The following OPCML variants were observed in gnomAD, a reference collection of about 807,000 sequenced individuals.
The protein encoded by OPCML is opioid-binding protein/cell adhesion molecule.
OPCML carries 13 observed loss-of-function variants against 37.8 expected under a neutral mutation model. The ratio of observed to expected loss-of-function variants is 0.34; its 90% CI spans 0.22 to 0.55. OPCML has a LOEUF of 0.55. Ranked by LOEUF, OPCML falls within the 20% of genes least tolerant of loss-of-function variation. OPCML has a pLI of 0.91. For missense variants in OPCML, 341 were observed against 435.6 expected (o/e 0.78, Z 1.93); for synonymous variants, 176 against 168.8 (o/e 1.04, Z -0.33).
chr11:133,423,483 C>A lies in OPCML; in HGVS notation c.61+108781G>T. Reference sequence around the variant, plus strand: ...TCTCTGCACTCTGTTAGGCTCCTGGCAACAAGCAGTCATAGAAGCTCCCAA... The same window carrying A: ...TCTCTGCACTCTGTTAGGCTCCTGGAAACAAGCAGTCATAGAAGCTCCCAA... On this transcript the variant is annotated intron_variant, in intron 1 of 7. Transcript: ENST00000524381. 5 of 985,370 alleles carry A rather than the reference C, an allele frequency of 5.1e-6. 1 individual carries two copies. The African/African-American group carries it at 7.0e-5, about 14-fold the overall frequency. 61.0% of individuals were successfully genotyped at this position (985,370 alleles called of 1,614,324 possible). A position where few individuals can be genotyped will look rare whatever the true frequency, so the allele number is the denominator to read the frequency against.
chr11:132,921,887 C>CTT (rs113032021), intron 2 of OPCML, among the ~76,000 whole-genome samples: 105 of 148,986 alleles, frequency 7.0e-4, no homozygotes, highest in African/African-American at 2.5e-3. Flanking sequence ...TAAATTTTAC[C>CTT]TTTTTTTTTT....
intron 2 of OPCML, among the ~76,000 whole-genome samples, chr11:132,781,888 T>C (rs1224847745): frequency 6.7e-6 from 1 of 148,902 alleles, no homozygotes; most frequent in Non-Finnish European, 1.5e-5. Context: ...ACGTCTTCTA[T>C]CAGTGATAGA....
chr11:132,828,535 C>T (rs995233379), intron 2 of OPCML, among the ~76,000 whole-genome samples: 2 of 150,294 alleles, frequency 1.3e-5, no homozygotes, highest in African/African-American at 4.9e-5. Flanking sequence ...TTTAATCTTG[C>T]TAAAACAGCT....
intron 1 of OPCML, among the ~76,000 whole-genome samples, chr11:133,096,479 G>C (rs939363580): frequency 1.3e-5 from 2 of 151,814 alleles, no homozygotes; most frequent in African/African-American, 4.8e-5. Context: ...TAGGAACAAA[G>C]AATAAGGGCA....
At chr11:133,371,376 C>T (rs897297209) in intron 1 of OPCML, among the ~76,000 whole-genome samples, 3 of 152,188 alleles carry the variant, frequency 2.0e-5, no homozygotes, top group Admixed American at 2.0e-4. Flanking sequence ...TATTGCAGCA[C>T]TATTTACAAT....
At chr11:132,499,005 G>A (rs61230584) in intron 4 of OPCML, among the ~76,000 whole-genome samples, 5,288 of 152,318 alleles carry the variant, frequency 0.035, 301 homozygotes, top group African/African-American at 0.11. Flanking sequence ...GGCTTTCTGC[G>A]TCTCAGGCAA....
At chr11:133,276,238 A>C (rs1941989737) in intron 1 of OPCML, among the ~76,000 whole-genome samples, 1 of 152,180 alleles carries the variant, frequency 6.6e-6, no homozygotes, top group South Asian at 2.1e-4. Flanking sequence ...AAAAATTTAG[A>C]CCTAAGCATA....
intron 1 of OPCML, among the ~76,000 whole-genome samples, chr11:133,138,099 G>A (rs1023966908): frequency 6.6e-6 from 1 of 152,136 alleles, no homozygotes; most frequent in Non-Finnish European, 1.5e-5. Flanking sequence ...ATAGATTAAT[G>A]CTTTCTTGAA....
At chr11:132,712,124 G>A (rs143545779) in intron 2 of OPCML, among the ~76,000 whole-genome samples, 1 of 152,182 alleles carries the variant, frequency 6.6e-6, no homozygotes, top group African/African-American at 2.4e-5. Context: ...GGAGGAAGGG[G>A]TTGGTAGTAC....
intron 1 of OPCML, among the ~76,000 whole-genome samples, chr11:133,430,066 G>T (rs1403370863): frequency 6.6e-6 from 1 of 152,118 alleles, no homozygotes; most frequent in Non-Finnish European, 1.5e-5. Flanking sequence ...GGAGAGAATT[G>T]CCAGTGAGGT....
chr11:132,447,602 A>G (rs376076603), intron 4 of OPCML, among the ~76,000 whole-genome samples: 10 of 152,034 alleles, frequency 6.6e-5, no homozygotes, highest in African/African-American at 2.2e-4. Context: ...GAGCCACCAT[A>G]CCCGGTCGAC....
intron 2 of OPCML, among the ~76,000 whole-genome samples, chr11:132,899,424 T>C (rs927339815): frequency 4.6e-5 from 7 of 151,908 alleles, no homozygotes; most frequent in Admixed American, 2.6e-4. Flanking sequence ...TTTTACATCA[T>C]AGTGTTTCAG....
chr11:133,009,771 C>G (rs781177236), intron 1 of OPCML, among the ~76,000 whole-genome samples: 1 of 152,200 alleles, frequency 6.6e-6, no homozygotes, highest in South Asian at 2.1e-4. Flanking sequence ...CGCCTCTGAT[C>G]TGACAGGAGA....
chr11:132,685,776 C>T (rs1160196938), intron 2 of OPCML, among the ~76,000 whole-genome samples: 1 of 152,130 alleles, frequency 6.6e-6, no homozygotes, highest in African/African-American at 2.4e-5. Flanking sequence ...GGAGTAGAAC[C>T]TGGCTTGAAT....
chr11:133,319,739 C>T (rs771209755), intron 1 of OPCML, among the ~76,000 whole-genome samples: 2 of 152,178 alleles, frequency 1.3e-5, no homozygotes, highest in African/African-American at 2.4e-5. Context: ...CACAGCAAGG[C>T]ACACAGAGAT....
rs35308821 is a variant in OPCML, at chr11:133,458,296, G to GTA, written c.61+73966_61+73967dup. Among the ~76,000 whole-genome samples the GTA allele has an allele frequency of 7.9e-5, 4 of 50,690 alleles. 1 individual carries two copies. Among genetic ancestry groups the GTA allele is most frequent in the East Asian group, 5.7e-4 (1 of 1,764 alleles). The allele number at this position is 50,690 out of a possible 152,430, so 33.3% of individuals were successfully genotyped here. ...TATACACACATATATACACGTGTGT[G>GTA]TATATATATACACATATATACACGT... On this transcript the variant is annotated intron_variant, in intron 1 of 7. Transcript: ENST00000524381.
chr11:132,839,187 T>G (rs2136297781), intron 2 of OPCML, among the ~76,000 whole-genome samples: 1 of 152,298 alleles, frequency 6.6e-6, no homozygotes, highest in Admixed American at 6.5e-5. Flanking sequence ...CCTGTTTGTC[T>G]TGTCAGAAAA....
chr11:133,451,042 T>G (rs1207588503), intron 1 of OPCML, among the ~76,000 whole-genome samples: 1 of 151,818 alleles, frequency 6.6e-6, no homozygotes, highest in Admixed American at 6.6e-5. Flanking sequence ...TCTCCCATTT[T>G]TATATTGAGT....
intron 2 of OPCML, among the ~76,000 whole-genome samples, chr11:132,698,402 GT>G (rs561208394): frequency 6.6e-6 from 1 of 152,058 alleles, no homozygotes; most frequent in Non-Finnish European, 1.5e-5. Flanking sequence ...GTGATGTTGA[GT>G]TTTTTTAAAT....
Sources: allele counts gnomAD v4.1 joint callset (sites outside exome capture counted in the v4.1 genomes callset), GRCh38; gene constraint gnomAD v4.1.1; transcripts MANE v1.5; gene names NCBI Gene and HGNC (gene_info 2026-07-23, HGNC 2026-07-21).